The following ZNF385D variants were observed in gnomAD, a reference collection of about 807,000 sequenced individuals.
The protein encoded by ZNF385D is zinc finger protein 385D.
A neutral mutation model predicts 35.8 loss-of-function variants in ZNF385D; 15 were observed. That is an observed-to-expected ratio of 0.42 (90% CI 0.28 to 0.64). ZNF385D has a LOEUF of 0.64. Among genes scored for constraint, ZNF385D ranks in the 30% least tolerant of loss-of-function variants. The probability of loss-of-function intolerance (pLI) is 0.23; values close to 1 mark genes in which losing one functional copy is unlikely to be tolerated. For synonymous variants in ZNF385D, 212 were observed against 186.8 expected, an observed-to-expected ratio of 1.13 and a Z score of -1.10; for missense variants, 474 against 494.6, an observed-to-expected ratio of 0.96 and a Z score of 0.39.
At chr3:22,064,238 C>G (rs2125547858) in intron 3 of ZNF385D, among the ~76,000 whole-genome samples, 1 of 152,268 alleles carries the variant, frequency 6.6e-6, no homozygotes, top group East Asian at 1.9e-4. Flanking sequence ...GGGTAATCCT[C>G]TCCGAAGGGG....
chr3:22,315,438 C>T (rs374467428), intron 2 of ZNF385D, among the ~76,000 whole-genome samples: 26 of 152,182 alleles, frequency 1.7e-4, no homozygotes, highest in South Asian at 1.0e-3. Context: ...GGATGAGCTA[C>T]GCAGAGAATA....
chr3:22,335,958 T>C (rs1454029175), intron 2 of ZNF385D, among the ~76,000 whole-genome samples: 2 of 152,130 alleles, frequency 1.3e-5, no homozygotes, highest in Admixed American at 1.3e-4. Context: ...GGACTTTGTG[T>C]TGTCTGAATT....
intron 3 of ZNF385D, among the ~76,000 whole-genome samples, chr3:21,813,141 T>C (rs974203248): frequency 1.3e-5 from 2 of 152,138 alleles, no homozygotes; most frequent in African/African-American, 2.4e-5. Context: ...TCCTGACTGT[T>C]AGAAGGAAAA....
At chr3:21,656,819 C>T (rs531712477) in intron 2 of ZNF385D, among the ~76,000 whole-genome samples, 1 of 152,016 alleles carries the variant, frequency 6.6e-6, no homozygotes, top group South Asian at 2.1e-4. Context: ...AAAAAATTAA[C>T]TCTAAAATAT....
intron 3 of ZNF385D, among the ~76,000 whole-genome samples, chr3:22,142,617 G>C (rs115322345): frequency 0.019 from 2,944 of 152,188 alleles, 38 homozygotes; most frequent in Non-Finnish European, 0.026. Context: ...CGCACAGATT[G>C]TGTTAATGGT....
At chr3:21,597,437 T>C (rs1003747109) in intron 2 of ZNF385D, among the ~76,000 whole-genome samples, 1 of 151,828 alleles carries the variant, frequency 6.6e-6, no homozygotes, top group African/African-American at 2.4e-5. Flanking sequence ...GTAAATATAA[T>C]GAATGGACAC....
chr3:21,830,241 A>G (rs1694901621), intron 3 of ZNF385D, among the ~76,000 whole-genome samples: 1 of 152,228 alleles, frequency 6.6e-6, no homozygotes. Context: ...TCTGTTATGC[A>G]CATGTATTAC....
chr3:22,197,756 A>C (rs955423485), intron 2 of ZNF385D, among the ~76,000 whole-genome samples: 1 of 152,102 alleles, frequency 6.6e-6, no homozygotes, highest in African/African-American at 2.4e-5. Flanking sequence ...GGGACTCATG[A>C]CCCTGCATGG....
At chr3:22,185,029 C>A (rs1410467838) in intron 2 of ZNF385D, among the ~76,000 whole-genome samples, 1 of 151,970 alleles carries the variant, frequency 6.6e-6, no homozygotes, top group Non-Finnish European at 1.5e-5. Flanking sequence ...CCCAGAAATG[C>A]TGAAATCAGG....
At chr3:22,294,807 A>G (rs1702482160) in intron 2 of ZNF385D, among the ~76,000 whole-genome samples, 1 of 152,154 alleles carries the variant, frequency 6.6e-6, no homozygotes, top group Non-Finnish European at 1.5e-5. Flanking sequence ...AATTCAATAT[A>G]TTTTGCATTT....
chr3:21,582,475 A>G (rs2125708724), intron 2 of ZNF385D, among the ~76,000 whole-genome samples: 1 of 151,946 alleles, frequency 6.6e-6, no homozygotes, highest in South Asian at 2.1e-4. Context: ...TTTTTTCTCT[A>G]CTCTGCCTAT....
intron 2 of ZNF385D, among the ~76,000 whole-genome samples, chr3:22,180,823 A>G (rs1695194695): frequency 6.6e-6 from 1 of 152,024 alleles, no homozygotes; most frequent in Admixed American, 6.5e-5. Context: ...ACCCACAGCC[A>G]ATATCATACT....
intron 2 of ZNF385D, among the ~76,000 whole-genome samples, chr3:21,654,352 TCTTA>T (rs1278895985): frequency 6.6e-6 from 1 of 152,104 alleles, no homozygotes; most frequent in Non-Finnish European, 1.5e-5. Flanking sequence ...ATGCAAGTTA[TCTTA>T]CTTTTACTCT....
chr3:21,588,614 TA>T (rs1178781668), intron 2 of ZNF385D, among the ~76,000 whole-genome samples: 2 of 152,266 alleles, frequency 1.3e-5, no homozygotes, highest in East Asian at 3.9e-4. Context: ...AAATAATTTT[TA>T]AAAGTCTGTT....
intron 3 of ZNF385D, among the ~76,000 whole-genome samples, chr3:21,840,240 G>C (rs1359811382): frequency 1.3e-5 from 2 of 151,950 alleles, no homozygotes; most frequent in African/African-American, 4.8e-5. Context: ...GCAAGACATG[G>C]GGTAAGATGT....
chr3:21,725,193 G>A (rs571453483), intron 1 of ZNF385D, among the ~76,000 whole-genome samples: 59 of 151,976 alleles, frequency 3.9e-4, no homozygotes, highest in Non-Finnish European at 7.8e-4. Flanking sequence ...GCGTGTAGAG[G>A]GAAATTTATA....
At chr3:21,862,764 C>T (rs1479983) in intron 3 of ZNF385D, among the ~76,000 whole-genome samples, 129,745 of 152,112 alleles carry the variant, frequency 0.85, 55,947 homozygotes, top group Non-Finnish European at 0.92. Flanking sequence ...TCTGTTAGCA[C>T]GGTCCCTGTT....
intron 2 of ZNF385D, among the ~76,000 whole-genome samples, chr3:22,280,030 CG>C (rs1409881009): frequency 4.6e-5 from 7 of 152,078 alleles, no homozygotes; most frequent in African/African-American, 1.7e-4. Context: ...TTTCCCTGAT[CG>C]TTAGTGATGT....
intron 3 of ZNF385D, among the ~76,000 whole-genome samples, chr3:21,909,516 A>G (rs1328569200): frequency 6.6e-6 from 1 of 152,086 alleles, no homozygotes; most frequent in Non-Finnish European, 1.5e-5. Flanking sequence ...GTCTTTAAAT[A>G]TAGCTAAATA....
Sources: gnomAD v4.1 joint callset for allele counts (sites outside exome capture counted in the v4.1 genomes callset) on GRCh38, gnomAD v4.1.1 for gene constraint, MANE v1.5 for transcripts, NCBI Gene and HGNC (gene_info 2026-07-23, HGNC 2026-07-21) for gene names.